LRBA: variants seen among roughly 807,000 people sequenced by gnomAD.
LRBA encodes the protein lipopolysaccharide-responsive and beige-like anchor protein.
In LRBA, 176 loss-of-function variants were observed where a neutral mutation model predicts 330.0. The ratio of observed to expected loss-of-function variants is 0.53; its 90% CI spans 0.47 to 0.60. The LOEUF is 0.60. LRBA is among the 20% of genes least tolerant of loss of function. The pLI is 0.00. For synonymous variants in LRBA, 1,230 were observed against 1,193.0 expected, an observed-to-expected ratio of 1.03 and a Z score of -0.64; for missense variants, 3,259 against 3,444.8, an observed-to-expected ratio of 0.95 and a Z score of 1.35.
chr4:150,985,045 G>A (rs1377521332), intron 2 of LRBA, among the ~76,000 whole-genome samples: 1 of 152,126 alleles, frequency 6.6e-6, no homozygotes, highest in African/African-American at 2.4e-5. Flanking sequence ...ATCACCTAAG[G>A]TAGGGAGTTC....
At chr4:150,838,338 G>C (rs903877489) in intron 28 of LRBA, among the ~76,000 whole-genome samples, 1 of 152,126 alleles carries the variant, frequency 6.6e-6, no homozygotes, top group Non-Finnish European at 1.5e-5. Context: ...ATGTTGGCCT[G>C]CCTTGCTAGG....
At chr4:150,429,963 G>A (rs143922131) in intron 46 of LRBA, among the ~76,000 whole-genome samples, 97 of 152,054 alleles carry the variant, frequency 6.4e-4, no homozygotes, top group African/African-American at 2.1e-3. Context: ...CTAACTAAAC[G>A]TGTTTTGGGG....
intron 48 of LRBA, among the ~76,000 whole-genome samples, chr4:150,348,100 A>G (rs1463009785): frequency 6.6e-6 from 1 of 152,254 alleles, no homozygotes; most frequent in African/African-American, 2.4e-5. Context: ...CCAGCACTGC[A>G]GAAAATTCTA....
At chr4:150,831,392 A>G (rs1560882135) in intron 29 of LRBA, among the ~76,000 whole-genome samples, 3 of 152,112 alleles carry the variant, frequency 2.0e-5, no homozygotes, top group Non-Finnish European at 4.4e-5. Flanking sequence ...TGAATAATAA[A>G]TTGCCTCCTT....
At chr4:150,923,293 C>T (rs1733522872) in intron 4 of LRBA, among the ~76,000 whole-genome samples, 1 of 151,750 alleles carries the variant, frequency 6.6e-6, no homozygotes, top group Non-Finnish European at 1.5e-5. Flanking sequence ...TTGCTTCTTA[C>T]TCTCCCCTTC....
At chr4:150,785,829 T>G (rs1424720617) in intron 34 of LRBA, among the ~76,000 whole-genome samples, 2 of 152,146 alleles carry the variant, frequency 1.3e-5, no homozygotes, top group Non-Finnish European at 2.9e-5. Flanking sequence ...AGCACTAAAG[T>G]TGACAAAAGG....
Position 150,451,579 on chromosome 4 carries a change from C to A in LRBA, c.6781-14715G>T, listed in dbSNP as rs531625455. 2.0e-5 allele frequency among the ~76,000 whole-genome samples: 3 copies of A among 151,998 alleles called. No homozygotes were observed. In the South Asian group the frequency reaches 6.3e-4, roughly 32 times the overall value. Reference sequence around the variant, plus strand: ...AGTGCTTTGAGAAAAATTTGTAGTGCTAAATGCTTATATTAAAAAGAAAAA... The same window carrying A: ...AGTGCTTTGAGAAAAATTTGTAGTGATAAATGCTTATATTAAAAAGAAAAA... On this transcript the variant is annotated intron_variant, in intron 44 of 56. Transcript: ENST00000651943.
chr4:150,565,422 A>T (rs1223717413), intron 40 of LRBA, among the ~76,000 whole-genome samples: 2 of 152,130 alleles, frequency 1.3e-5, no homozygotes, highest in African/African-American at 4.8e-5. Flanking sequence ...TGATGGGTTG[A>T]TGGGTGCTGC....
Position 150,548,082 on chromosome 4 carries a change from T to A in LRBA, c.6330+39966A>T, listed in dbSNP as rs374267350. ...GAATATGCTTTAATCAATTAAGTCC[T>A]GTACGTTATATTTGTGCAGCCTTAA... On this transcript the variant is annotated intron_variant, in intron 40 of 56. Coordinates refer to ENST00000651943, the MANE Select transcript of LRBA (RefSeq NM_001364905.1). Among the ~76,000 whole-genome samples, 9 of 152,326 alleles carry A rather than the reference T, an allele frequency of 5.9e-5. No individual in the cohort carries two copies. In the South Asian group the frequency reaches 1.9e-3, roughly 32 times the overall value.
Position 150,797,440 on chromosome 4 carries a change from T to C in LRBA, c.5580+641A>G, listed in dbSNP as rs565184530. Among the ~76,000 whole-genome samples the C allele has an allele frequency of 1.3e-5, 2 of 151,938 alleles. 1 individual carries two copies. The highest frequency in any genetic ancestry group is 4.2e-4 in the South Asian group (2 of 4,800). ...CAAAGAAAACTCTCAATAAAAACATTCATCTGTTTAATTGCAAAACAGAAA... is the reference window on the plus strand; with the variant it reads ...CAAAGAAAACTCTCAATAAAAACATCCATCTGTTTAATTGCAAAACAGAAA... On this transcript the variant is annotated intron_variant, in intron 34 of 56. Transcript: ENST00000651943.
At chr4:150,601,610 A>G (rs1053840516) in intron 37 of LRBA, among the ~76,000 whole-genome samples, 6 of 152,198 alleles carry the variant, frequency 3.9e-5, no homozygotes, top group African/African-American at 1.2e-4. Context: ...ATTTGTTCAC[A>G]TAATAGAAAT....
intron 47 of LRBA, among the ~76,000 whole-genome samples, chr4:150,373,172 T>TGAGAGAGAGA (rs902421554): frequency 2.4e-4 from 23 of 97,506 alleles, no homozygotes; most frequent in African/African-American, 9.7e-4. Flanking sequence ...TGTGTGTGTG[T>TGAGAGAGAGA]GAGAGAGAGA....
chr4:150,785,059 A>G (rs1393408176), intron 34 of LRBA, among the ~76,000 whole-genome samples: 1 of 152,132 alleles, frequency 6.6e-6, no homozygotes, highest in Admixed American at 6.5e-5. Flanking sequence ...GTGAGATAAG[A>G]GTTTTATTAT....
intron 47 of LRBA, among the ~76,000 whole-genome samples, chr4:150,372,750 G>A (rs79815782): frequency 2.7e-5 from 1 of 36,904 alleles, no homozygotes; most frequent in Non-Finnish European, 1.1e-4. Flanking sequence ...TGCCTGGTAC[G>A]CAGTAAGTTC....
intron 51 of LRBA, among the ~76,000 whole-genome samples, chr4:150,313,247 A>G (rs1258089336): frequency 1.3e-5 from 2 of 152,128 alleles, no homozygotes; most frequent in Admixed American, 6.6e-5. Flanking sequence ...GGGGTTTTCA[A>G]TGTATTTTTT....
intron 37 of LRBA, among the ~76,000 whole-genome samples, chr4:150,664,144 T>G (rs529266696): frequency 2.6e-5 from 4 of 152,284 alleles, no homozygotes; most frequent in African/African-American, 9.6e-5. Flanking sequence ...ATAATGGTAC[T>G]AGGAAGGCTG....
chr4:150,911,205 A>G (rs1173052026), intron 9 of LRBA, among the ~76,000 whole-genome samples: 2 of 152,106 alleles, frequency 1.3e-5, no homozygotes, highest in East Asian at 3.9e-4. Flanking sequence ...CTCTAACTGG[A>G]TTTCCAAATA....
At chr4:150,841,809 T>C (rs931177823) in intron 28 of LRBA, among the ~76,000 whole-genome samples, 22 of 151,754 alleles carry the variant, frequency 1.4e-4, no homozygotes, top group African/African-American at 5.3e-4. Flanking sequence ...CCCACAACCA[T>C]GCCCAGCTAA....
Position 150,916,384 on chromosome 4 carries a change from T to G in LRBA, c.894+17A>C, listed in dbSNP as rs766408932. The G allele has an allele frequency of 5.0e-6, 8 of 1,610,166 alleles. No homozygotes were observed. The highest frequency in any genetic ancestry group is 3.3e-4 in the Middle Eastern group (2 of 5,984). On this transcript the variant is annotated intron_variant, in intron 7 of 56. Transcript: ENST00000651943. ...CATAGCTTGTTAACATAACTATGACTCAAGAAGATCATGTACCTTTTGTGG... is the reference window on the plus strand; with the variant it reads ...CATAGCTTGTTAACATAACTATGACGCAAGAAGATCATGTACCTTTTGTGG...
Sources: allele counts gnomAD v4.1 joint callset (sites outside exome capture counted in the v4.1 genomes callset), GRCh38; gene constraint gnomAD v4.1.1; transcripts MANE v1.5; gene names NCBI Gene and HGNC (gene_info 2026-07-23, HGNC 2026-07-21).